Variants in PCDHA11 observed in about 807,000 individuals in gnomAD.
PCDHA11 encodes protocadherin alpha-11.
PCDHA11 carries 61 observed loss-of-function variants against 70.3 expected under a neutral mutation model. That is an observed-to-expected ratio of 0.87 (90% confidence interval 0.71 to 1.07). The LOEUF is 1.07. PCDHA11 is among the 50% of genes least tolerant of loss of function. The pLI is 0.00. For synonymous variants in PCDHA11, 633 were observed against 555.1 expected (o/e 1.14, Z -1.97); for missense variants, 1,324 against 1,237.5 (o/e 1.07, Z -1.05).
chr5:140,928,480 G>A, intron 1 of PCDHA11: 2 of 1,614,146 alleles, frequency 1.2e-6, no homozygotes, highest in Non-Finnish European at 1.7e-6. Flanking sequence ...AGGCCGGGAT[G>A]GTGGCATTCC....
At chr5:140,875,707 C>T in intron 1 of PCDHA11, 1 of 1,614,166 alleles carries the variant, frequency 6.2e-7, no homozygotes. Flanking sequence ...GGAGGTAAAT[C>T]TGCAGAATGG....
Position 140,889,022 on chromosome 5 carries a change from G to A in PCDHA11, c.2391+17528G>A, listed in dbSNP as rs183317307. Among the ~76,000 whole-genome samples the A allele has an allele frequency of 5.5e-3, 837 of 151,922 alleles. 11 individuals are homozygous for A. The highest frequency in any genetic ancestry group is 0.019 in the African/African-American group (781 of 41,426). ...TGGCAAACCAACCTCTACTTCCTTG[G>A]ATAACCGTAATTTGATTATAATTTA... On this transcript the variant is annotated intron_variant, in intron 1 of 3. Coordinates refer to ENST00000398640, the MANE Select transcript of PCDHA11 (RefSeq NM_018902.5).
chr5:140,883,150 C>T, intron 1 of PCDHA11: 1 of 1,613,910 alleles, frequency 6.2e-7, no homozygotes, highest in Non-Finnish European at 8.5e-7. Flanking sequence ...ATGCATTTAC[C>T]ATAAATCCGA....
rs115795241 is a variant in PCDHA11, at chr5:140,931,728, G to A, written c.2392-47221G>A. 2.8e-3 allele frequency among the ~76,000 whole-genome samples: 427 copies of A among 151,850 alleles called. 1 individual carries two copies. The highest frequency in any genetic ancestry group is 4.4e-3 in the Non-Finnish European group (297 of 67,780). ...GAATAAAATAACTTCTATAAATATGGGGTATTTGTAATTCACAAAGGCATT... is the reference window on the plus strand; with the variant it reads ...GAATAAAATAACTTCTATAAATATGAGGTATTTGTAATTCACAAAGGCATT... On this transcript the variant is annotated intron_variant, in intron 1 of 3. Coordinates refer to ENST00000398640, the MANE Select transcript of PCDHA11 (RefSeq NM_018902.5).
chr5:140,871,577 G>A, intron 1 of PCDHA11, 83 bp downstream of exon 1: 1 of 1,474,316 alleles, frequency 6.8e-7, no homozygotes, highest in Non-Finnish European at 9.0e-7. Flanking sequence ...ATTTTTTAAG[G>A]GAAAGTTTTA....
At chr5:140,960,836 AG>A (rs551951864) in intron 1 of PCDHA11, among the ~76,000 whole-genome samples, 345 of 152,342 alleles carry the variant, frequency 2.3e-3, no homozygotes, top group African/African-American at 7.6e-3. Flanking sequence ...AACTTGGAAC[AG>A]GTTTAATGGC....
In PCDHA11 at chr5:140,869,694, G is replaced by T. The variant is rs782372405; in HGVS notation, c.591G>T (p.Lys197Asn). The stretch of plus-strand genomic sequence containing the variant: ...TTAAAAGACTGTCACTTATTTTAAA[G>T]AAGTCTCTGGATAGAGAGAAAACTC... Reference protein sequence around the residue: ...KQIKRLSLILKKSLDREKTPE... With the variant: ...KQIKRLSLILNKSLDREKTPE... The change falls in exon 1 of 4, where the codon AAG (lysine) becomes AAT (asparagine). Residue 197 changes from lysine (K) to asparagine (N), a missense_variant. Coordinates refer to ENST00000398640, the MANE Select transcript of PCDHA11 (RefSeq NM_018902.5). 5.0e-6 allele frequency: 8 copies of T among 1,613,394 alleles called. No homozygotes were observed. Among genetic ancestry groups the T allele is most frequent in the Non-Finnish European group, 6.8e-6 (8 of 1,179,866 alleles).
chr5:140,954,532 GT>G (rs1274213608), intron 1 of PCDHA11, among the ~76,000 whole-genome samples: 7 of 152,088 alleles, frequency 4.6e-5, no homozygotes, highest in Non-Finnish European at 5.9e-5. Context: ...TGATGTTGAG[GT>G]TTTTTTCATA....
chr5:140,986,656 C>T (rs141575317), intron 3 of PCDHA11, among the ~76,000 whole-genome samples: 2 of 152,290 alleles, frequency 1.3e-5, no homozygotes, highest in East Asian at 1.9e-4. Context: ...GTGGGAGATG[C>T]TCACAGTTTT....
rs529079699 is a variant in PCDHA11, at chr5:140,984,687, T to C, written c.2539+2124T>C. ...TTAGGTTTTTAGGACTCAATATATGTTCTGCACTGCTTGGAGGGAATATGG... is the reference window on the plus strand; with the variant it reads ...TTAGGTTTTTAGGACTCAATATATGCTCTGCACTGCTTGGAGGGAATATGG... On this transcript the variant is annotated intron_variant, in intron 3 of 3. Transcript: ENST00000398640. Among the ~76,000 whole-genome samples the C allele has an allele frequency of 2.0e-5, 3 of 152,332 alleles. No individual in the cohort carries two copies. The East Asian group carries it at 5.8e-4, about 29-fold the overall frequency.
intron 1 of PCDHA11, among the ~76,000 whole-genome samples, chr5:140,903,229 T>G (rs2153479721): frequency 6.6e-6 from 1 of 152,340 alleles, no homozygotes; most frequent in Non-Finnish European, 1.5e-5. Context: ...CATCTATTAC[T>G]TTTTGATTTT....
At chr5:140,871,596 C>G in intron 1 of PCDHA11, 102 bp downstream of exon 1, 2 of 1,453,962 alleles carry the variant, frequency 1.4e-6, no homozygotes, top group South Asian at 2.9e-5. Flanking sequence ...TATGAATAAC[C>G]AGTGTTTTGA....
intron 1 of PCDHA11, 71 bp downstream of exon 1, chr5:140,871,565 G>A: frequency 3.4e-6 from 5 of 1,483,114 alleles, no homozygotes; most frequent in South Asian, 1.4e-5. Context: ...TTTTTTTCAC[G>A]GATTTTTTAA....
chr5:140,917,417 C>G (rs1163543772), intron 1 of PCDHA11, among the ~76,000 whole-genome samples: 2 of 152,082 alleles, frequency 1.3e-5, no homozygotes, highest in African/African-American at 2.4e-5. Flanking sequence ...TAATTAGGCC[C>G]CATTTGCCAA....
At chr5:140,883,504 C>G in intron 1 of PCDHA11, 1 of 1,614,172 alleles carries the variant, frequency 6.2e-7, no homozygotes, top group East Asian at 2.2e-5. Context: ...TGGACAGCGC[C>G]CTGGACCGCG....
rs1278190743 is a variant in PCDHA11, at chr5:140,891,784, G to C, written c.2391+20290G>C. 2.0e-5 allele frequency among the ~76,000 whole-genome samples: 3 copies of C among 152,152 alleles called. No homozygotes were observed. In the East Asian group the frequency reaches 5.8e-4, roughly 29 times the overall value. On this transcript the variant is annotated intron_variant, in intron 1 of 3. Coordinates refer to ENST00000398640, the MANE Select transcript of PCDHA11 (RefSeq NM_018902.5). ...GGTGGGGAATTTCAGGAAATGTTTA[G>C]ATTATGAGGGATCTGCCCTCATGAA...
intron 1 of PCDHA11, among the ~76,000 whole-genome samples, chr5:140,925,081 GA>G (rs2082282278): frequency 1.4e-5 from 2 of 146,052 alleles, no homozygotes; most frequent in African/African-American, 2.7e-5. Flanking sequence ...CGCTCATCTG[GA>G]AAGGAAGGAA....
intron 1 of PCDHA11, among the ~76,000 whole-genome samples, chr5:140,913,086 A>G (rs937964424): frequency 6.6e-6 from 1 of 152,142 alleles, no homozygotes; most frequent in Admixed American, 6.6e-5. Flanking sequence ...TGGTATCAGG[A>G]TAATACTGGC....
At chr5:140,902,860 G>C (rs1360454438) in intron 1 of PCDHA11, among the ~76,000 whole-genome samples, 1 of 152,130 alleles carries the variant, frequency 6.6e-6, no homozygotes, top group Non-Finnish European at 1.5e-5. Context: ...ATGGCGTCCA[G>C]GTCCACCCAA....
Sources: allele counts gnomAD v4.1 joint callset (sites outside exome capture counted in the v4.1 genomes callset), GRCh38; gene constraint gnomAD v4.1.1; transcripts MANE v1.5; gene names NCBI Gene and HGNC (gene_info 2026-07-23, HGNC 2026-07-21).